Variants in GPHN observed in about 807,000 individuals in gnomAD.
GPHN encodes the protein gephyrin.
A neutral mutation model predicts 95.5 loss-of-function variants in GPHN; 17 were observed. That is an observed-to-expected ratio of 0.18 (90% CI 0.12 to 0.27). The LOEUF (loss-of-function observed/expected upper bound fraction) is 0.27. Among genes scored for constraint, GPHN ranks in the 10% least tolerant of loss-of-function variants. The pLI is 1.00. For synonymous variants in GPHN, 320 were observed against 322.5 expected (o/e 0.99, Z 0.08); for missense variants, 660 against 978.1 (o/e 0.67, Z 4.34).
At chr14:67,263,645 AC>A in the GPHN span, among the ~76,000 whole-genome samples, 8 of 152,250 alleles carry the variant, frequency 5.3e-5, no homozygotes, top group East Asian at 1.4e-3. Flanking sequence ...TTTTGGCTCT[AC>A]CACTTAGATT....
intron 11 of GPHN, among the ~76,000 whole-genome samples, chr14:67,062,084 A>G (rs964330509): frequency 5.9e-5 from 9 of 152,180 alleles, no homozygotes; most frequent in African/African-American, 2.2e-4. Context: ...TAACATGGAT[A>G]TAAAAAAAAA....
Position 67,180,780 on chromosome 14 carries a change from T to C in GPHN, c.2177-24T>C, listed in dbSNP as rs761655548. The C allele has an allele frequency of 6.8e-6, 11 of 1,611,378 alleles. No homozygotes were observed. The South Asian group carries it at 1.2e-4, about 18-fold the overall frequency. On this transcript the variant is annotated intron_variant, in intron 22 of 22. Coordinates refer to ENST00000478722, the MANE Select transcript of GPHN (RefSeq NM_020806.5). The stretch of plus-strand genomic sequence containing the variant: ...GTATACGCCATGATGCTTATGCTGC[T>C]GTAATAAGAGTATTTCTTTCTAGGT...
chr14:67,521,375 G>T, the GPHN span, among the ~76,000 whole-genome samples: 1 of 152,222 alleles, frequency 6.6e-6, no homozygotes, highest in South Asian at 2.1e-4. Flanking sequence ...GATGGAAAGG[G>T]GTACCAGTGG....
the GPHN span, chr14:67,733,837 C>A: frequency 6.2e-7 from 1 of 1,611,406 alleles, no homozygotes; most frequent in South Asian, 1.1e-5. Flanking sequence ...TCTAGGAATC[C>A]GGTGGGAGTA....
At chr14:67,301,995 G>A in the GPHN span, 1 of 1,604,608 alleles carries the variant, frequency 6.2e-7, no homozygotes, top group South Asian at 1.1e-5. Flanking sequence ...CCCACGATAA[G>A]GTTGCTGAGC....
the GPHN span, chr14:67,646,866 ATTTG>A: frequency 7.1e-7 from 1 of 1,416,184 alleles, no homozygotes; most frequent in South Asian, 1.2e-5. Flanking sequence ...CCAAATACAT[ATTTG>A]TTAAAAATGC....
At chr14:66,844,765 G>A (rs906063435) in intron 4 of GPHN, among the ~76,000 whole-genome samples, 5 of 152,024 alleles carry the variant, frequency 3.3e-5, no homozygotes, top group Non-Finnish European at 7.4e-5. Context: ...CCAATTTTAA[G>A]TGTACAATTC....
the GPHN span, among the ~76,000 whole-genome samples, chr14:67,507,544 G>A: frequency 6.6e-6 from 1 of 151,970 alleles, no homozygotes. Flanking sequence ...GACCTCCCAG[G>A]CTTAAGTGAT....
At chr14:67,393,673 C>T in the GPHN span, among the ~76,000 whole-genome samples, 4 of 152,038 alleles carry the variant, frequency 2.6e-5, no homozygotes, top group Non-Finnish European at 5.9e-5. Flanking sequence ...AGGCTGGTCT[C>T]GAACTCCTGA....
At chr14:67,088,253 G>C (rs1294075538) in intron 11 of GPHN, among the ~76,000 whole-genome samples, 1 of 152,014 alleles carries the variant, frequency 6.6e-6, no homozygotes, top group Non-Finnish European at 1.5e-5. Flanking sequence ...GGGAAAAGTA[G>C]AGCAAAGGGA....
intron 1 of GPHN, among the ~76,000 whole-genome samples, chr14:66,516,806 AT>A (rs761873684): frequency 3.7e-4 from 56 of 152,330 alleles, no homozygotes; most frequent in Non-Finnish European, 5.3e-4. Flanking sequence ...TTAAAGTCTA[AT>A]TAATGGTTAA....
At chr14:67,315,223 A>G in the GPHN span, among the ~76,000 whole-genome samples, 2 of 152,060 alleles carry the variant, frequency 1.3e-5, no homozygotes, top group African/African-American at 4.8e-5. Context: ...TAAATGATTA[A>G]AATTACTTTG....
intron 13 of GPHN, among the ~76,000 whole-genome samples, chr14:67,104,066 TTTAACCATGAA>T (rs1284866834): frequency 1.3e-5 from 2 of 152,160 alleles, no homozygotes; most frequent in Non-Finnish European, 1.5e-5. Flanking sequence ...TGTTGAGAGT[TTTAACCATGAA>T]GGATTGTTGA....
intron 2 of GPHN, among the ~76,000 whole-genome samples, chr14:66,694,631 G>A (rs764623675): frequency 6.6e-6 from 1 of 152,070 alleles, no homozygotes. Flanking sequence ...CAATAATATA[G>A]GAGAAAGCCT....
the GPHN span, chr14:67,693,110 T>A: frequency 8.8e-7 from 1 of 1,140,788 alleles, no homozygotes; most frequent in Non-Finnish European, 1.3e-6. Context: ...AGCCAGTAGG[T>A]TCCTGCAACT....
intron 2 of GPHN, among the ~76,000 whole-genome samples, chr14:66,713,382 T>G (rs1374911992): frequency 6.6e-6 from 1 of 152,212 alleles, no homozygotes; most frequent in African/African-American, 2.4e-5. Flanking sequence ...CACCATTTCT[T>G]GAAAAGGGTG....
chr14:67,374,006 T>C, the GPHN span, among the ~76,000 whole-genome samples: 1 of 152,228 alleles, frequency 6.6e-6, no homozygotes, highest in South Asian at 2.1e-4. Context: ...AATTGAAAAT[T>C]ATTAGTTCTC....
intron 3 of GPHN, among the ~76,000 whole-genome samples, chr14:66,789,973 A>G (rs1388682468): frequency 1.3e-5 from 2 of 152,244 alleles, no homozygotes; most frequent in Admixed American, 1.3e-4. Flanking sequence ...AATTCAAGAC[A>G]AAACAGAACC....
At chr14:67,016,332 T>C (rs1406207832) in intron 9 of GPHN, among the ~76,000 whole-genome samples, 2 of 152,008 alleles carry the variant, frequency 1.3e-5, no homozygotes, top group African/African-American at 4.8e-5. Context: ...TGCAATATAA[T>C]AATAAATGCC....
Sources: allele counts gnomAD v4.1 joint callset (sites outside exome capture counted in the v4.1 genomes callset), GRCh38; gene constraint gnomAD v4.1.1; transcripts MANE v1.5; gene names NCBI Gene and HGNC (gene_info 2026-07-23, HGNC 2026-07-21).